The following BBS9 variants were observed in gnomAD, a reference collection of about 807,000 sequenced individuals.
BBS9 encodes the protein protein PTHB1.
In BBS9, 89 loss-of-function variants were observed where a neutral mutation model predicts 117.7. The observed-to-expected ratio is 0.76, with a 90% CI of 0.64 to 0.90. BBS9 has a LOEUF of 0.90. Ranked by LOEUF, BBS9 falls within the 40% of genes least tolerant of loss-of-function variation. The probability of loss-of-function intolerance (pLI) is 0.00; values close to 1 mark genes in which losing one functional copy is unlikely to be tolerated. For missense variants in BBS9, 982 were observed against 1,042.2 expected (o/e 0.94, Z 0.80); for synonymous variants, 379 against 370.9 (o/e 1.02, Z -0.25).
chr7:33,284,663 C>G (rs1562936634), intron 9 of BBS9, among the ~76,000 whole-genome samples: 1 of 152,132 alleles, frequency 6.6e-6, no homozygotes, highest in Non-Finnish European at 1.5e-5. Flanking sequence ...AAACTAATAT[C>G]TTTTGGTTGG....
chr7:33,269,848 C>A (rs1391340164), intron 7 of BBS9, among the ~76,000 whole-genome samples: 1 of 151,600 alleles, frequency 6.6e-6, no homozygotes, highest in Non-Finnish European at 1.5e-5. Flanking sequence ...CATGGTGAAA[C>A]CCTGTCTCTA....
intron 5 of BBS9, among the ~76,000 whole-genome samples, chr7:33,201,717 ATT>A (rs11412956): frequency 6.7e-6 from 1 of 148,406 alleles, no homozygotes. Context: ...GTTTGGGGGC[ATT>A]TTTTTTTTAT....
At chr7:33,276,942 AG>A in intron 9 of BBS9, 1 of 202,962 alleles carries the variant, frequency 4.9e-6, no homozygotes, top group Non-Finnish European at 1.1e-5. Flanking sequence ...TGGAAGAGCC[AG>A]GCAGATCTAA....
At chr7:33,326,001 C>T (rs139836908) in intron 9 of BBS9, among the ~76,000 whole-genome samples, 37 of 152,142 alleles carry the variant, frequency 2.4e-4, no homozygotes, top group African/African-American at 8.2e-4. Context: ...CTACCACTTA[C>T]GTGTGGTCAA....
chr7:33,471,008 T>G (rs374628669), intron 19 of BBS9, among the ~76,000 whole-genome samples: 1 of 152,224 alleles, frequency 6.6e-6, no homozygotes, highest in South Asian at 2.1e-4. Flanking sequence ...TTCCTGCGGA[T>G]TATTCATTAA....
intron 9 of BBS9, among the ~76,000 whole-genome samples, chr7:33,325,246 T>C (rs1322520800): frequency 6.6e-6 from 1 of 152,218 alleles, no homozygotes; most frequent in Non-Finnish European, 1.5e-5. Flanking sequence ...TTCTACTTGA[T>C]TAGTTCTGTT....
chr7:33,629,198 C>T (rs1003511864), intron 21 of BBS9, among the ~76,000 whole-genome samples: 1 of 152,218 alleles, frequency 6.6e-6, no homozygotes, highest in Non-Finnish European at 1.5e-5. Flanking sequence ...AGTCCCCATA[C>T]AGGGGCAAAA....
At chr7:33,450,548 GT>G (rs1200674449) in intron 19 of BBS9, among the ~76,000 whole-genome samples, 1 of 152,166 alleles carries the variant, frequency 6.6e-6, no homozygotes, top group Non-Finnish European at 1.5e-5. Context: ...GTGTGTGTGT[GT>G]TTAATAGTGG....
At chr7:33,462,432 C>T (rs972782472) in intron 19 of BBS9, among the ~76,000 whole-genome samples, 3 of 152,044 alleles carry the variant, frequency 2.0e-5, no homozygotes, top group Non-Finnish European at 4.4e-5. Context: ...GTAAATTTAA[C>T]TCTTAAGTTG....
At chr7:33,193,346 A>G (rs1487662248) in intron 5 of BBS9, among the ~76,000 whole-genome samples, 2 of 148,748 alleles carry the variant, frequency 1.3e-5, no homozygotes, top group Admixed American at 1.3e-4. Flanking sequence ...GTTTTTAGAG[A>G]CCTTTGTTCT....
In BBS9 at chr7:33,388,163, A is replaced by G. The variant is rs184420556; in HGVS notation, c.2115+19A>G. 6.0e-5 allele frequency: 97 copies of G among 1,612,866 alleles called. No homozygotes were observed. Among genetic ancestry groups the G allele is most frequent in the Admixed American group, 3.3e-4 (20 of 60,018 alleles). Reference sequence around the variant, plus strand: ...CAAGCAGGTCAGTATAATATCAGTAACAGTTTTCTATTACTGGCTATACTT... The same window carrying G: ...CAAGCAGGTCAGTATAATATCAGTAGCAGTTTTCTATTACTGGCTATACTT... On this transcript the variant is annotated intron_variant, in intron 19 of 22. Coordinates refer to ENST00000242067, the MANE Select transcript of BBS9 (RefSeq NM_198428.3).
intron 16 of BBS9, 44 bp from the exon 17 acceptor site, chr7:33,367,723 T>G: frequency 6.4e-7 from 1 of 1,556,692 alleles, no homozygotes; most frequent in Non-Finnish European, 8.9e-7. Context: ...TGTGTTCATT[T>G]TGCCTTCTGG....
intron 16 of BBS9, among the ~76,000 whole-genome samples, chr7:33,365,265 C>T (rs1047885811): frequency 1.4e-4 from 22 of 151,996 alleles, no homozygotes; most frequent in Non-Finnish European, 2.6e-4. Flanking sequence ...ACTTTGATGC[C>T]GGCACATTTG....
intron 5 of BBS9, among the ~76,000 whole-genome samples, chr7:33,199,498 T>C (rs1004370863): frequency 1.3e-5 from 2 of 151,916 alleles, no homozygotes; most frequent in Non-Finnish European, 2.9e-5. Flanking sequence ...TATTATGGAA[T>C]AGTTGAGCTC....
At chr7:33,360,605 C>G (rs1030190334) in intron 16 of BBS9, among the ~76,000 whole-genome samples, 1 of 150,192 alleles carries the variant, frequency 6.7e-6, no homozygotes, top group African/African-American at 2.4e-5. Context: ...ACTGCAGCCT[C>G]TACTTCCTGG....
chr7:33,581,277 T>G (rs1859865364), intron 21 of BBS9, among the ~76,000 whole-genome samples: 1 of 152,082 alleles, frequency 6.6e-6, no homozygotes, highest in Admixed American at 6.6e-5. Context: ...GATAGCAGAG[T>G]AAGTTCTTCT....
At chr7:33,247,470 C>G (rs1795521386) in intron 5 of BBS9, among the ~76,000 whole-genome samples, 1 of 152,042 alleles carries the variant, frequency 6.6e-6, no homozygotes, top group South Asian at 2.1e-4. Context: ...CCTCCCAACA[C>G]CTTCCACCCA....
At chr7:33,614,670 T>C (rs190518036) in intron 21 of BBS9, among the ~76,000 whole-genome samples, 1 of 152,122 alleles carries the variant, frequency 6.6e-6, no homozygotes, top group Admixed American at 6.6e-5. Context: ...AATTAACTAA[T>C]TGCTGGAGGC....
intron 5 of BBS9, among the ~76,000 whole-genome samples, chr7:33,252,291 A>G (rs1249325463): frequency 3.3e-5 from 5 of 152,288 alleles, no homozygotes; most frequent in Admixed American, 2.0e-4. Flanking sequence ...GGAGATTACA[A>G]TTTGACATGA....
Sources: gnomAD v4.1 joint callset for allele counts (sites outside exome capture counted in the v4.1 genomes callset) on GRCh38, gnomAD v4.1.1 for gene constraint, MANE v1.5 for transcripts, NCBI Gene and HGNC (gene_info 2026-07-23, HGNC 2026-07-21) for gene names.